PTPRN2: variants seen among roughly 807,000 people sequenced by gnomAD.
PTPRN2 encodes receptor-type tyrosine-protein phosphatase N2.
PTPRN2 carries 74 observed loss-of-function variants against 118.8 expected under a neutral mutation model. The observed-to-expected ratio is 0.62, with a 90% CI of 0.52 to 0.76. The LOEUF (loss-of-function observed/expected upper bound fraction) is 0.76, where lower values mean the gene tolerates loss of function less well. PTPRN2 is among the 30% of genes least tolerant of loss of function. The probability of loss-of-function intolerance (pLI) is 0.00; values close to 1 mark genes in which losing one functional copy is unlikely to be tolerated. For missense variants in PTPRN2, 1,481 were observed against 1,394.4 expected (o/e 1.06, Z -0.99); for synonymous variants, 641 against 608.0 (o/e 1.05, Z -0.80).
At chr7:158,547,905 C>T (rs1826400157) in intron 1 of PTPRN2, among the ~76,000 whole-genome samples, 1 of 152,214 alleles carries the variant, frequency 6.6e-6, no homozygotes, top group South Asian at 2.1e-4. Flanking sequence ...GAAGATTAAT[C>T]AAAAGCCACC....
intron 11 of PTPRN2, among the ~76,000 whole-genome samples, chr7:157,969,644 G>C (rs1319314344): frequency 6.6e-6 from 1 of 152,044 alleles, no homozygotes; most frequent in Non-Finnish European, 1.5e-5. Flanking sequence ...GACAGGGTCT[G>C]AATGGGGGTG....
intron 11 of PTPRN2, among the ~76,000 whole-genome samples, chr7:157,954,920 C>G (rs933292286): frequency 1.3e-5 from 2 of 152,108 alleles, no homozygotes; most frequent in African/African-American, 4.8e-5. Flanking sequence ...AATAATAAAC[C>G]GAAATACTAG....
chr7:158,441,861 T>C (rs1817314442), intron 2 of PTPRN2, among the ~76,000 whole-genome samples: 1 of 147,096 alleles, frequency 6.8e-6, no homozygotes, highest in Admixed American at 6.7e-5. Flanking sequence ...GTGATAGTGA[T>C]GGTCATGGCA....
chr7:157,660,895 T>C (rs959562315), intron 13 of PTPRN2, among the ~76,000 whole-genome samples: 1 of 152,292 alleles, frequency 6.6e-6, no homozygotes, highest in African/African-American at 2.4e-5. Context: ...GCTGGAATTA[T>C]AGGCGTGCAC....
rs970223283 is a variant in PTPRN2, at chr7:157,540,324, C to G, written c.*390G>C. 5.8e-6 allele frequency: 1 copy of G among 172,604 alleles called. No individual in the cohort carries two copies. Among genetic ancestry groups the G allele is most frequent in the Non-Finnish European group, 1.2e-5 (1 of 80,914 alleles). 10.7% of individuals were successfully genotyped at this position (172,604 alleles called of 1,614,324 possible). On this transcript the variant is annotated 3_prime_UTR_variant, in exon 23 of 23. Coordinates refer to ENST00000389418, the MANE Select transcript of PTPRN2 (RefSeq NM_002847.5). ...AGTGCTGCCAGCTTCCCCGGCCACT[C>G]CTGCACAGTGGATCCACCCTCCCGA... is the stretch of plus-strand genomic sequence containing the variant.
intron 11 of PTPRN2, among the ~76,000 whole-genome samples, chr7:157,907,345 G>A (rs1279507646): frequency 6.6e-6 from 1 of 150,754 alleles, no homozygotes; most frequent in Non-Finnish European, 1.5e-5. Flanking sequence ...CCGGGCGGTG[G>A]TGTCTCCCTG....
rs1317188093 is a variant in PTPRN2, at chr7:157,903,810, C to T, written c.1724-5073G>A. ...TACATTCCTGCCACACACCAAGTGC[C>T]GGCGCAAGCGCTTCCCACACTTCAA... On this transcript the variant is annotated intron_variant, in intron 11 of 22. Transcript: ENST00000389418. This position sits in a 1 kb window ranked among gnomAD's most constrained non-coding sequence, Gnocchi z 4.2. Among the ~76,000 whole-genome samples, 3 of 152,146 alleles carry T rather than the reference C, an allele frequency of 2.0e-5. No individual in the cohort carries two copies. Among genetic ancestry groups the T allele is most frequent in the Non-Finnish European group, 2.9e-5 (2 of 68,030 alleles).
chr7:157,861,874 T>C lies in PTPRN2; in HGVS notation c.1788+36799A>G, dbSNP rs1236027334. On this transcript the variant is annotated intron_variant, in intron 12 of 22. Transcript: ENST00000389418. The surrounding 1 kb of genome is among the most constrained non-coding windows in gnomAD (Gnocchi z 5.8). ...CGAGGACTCTGTGTGCCGGAGTCTG[T>C]CCTCCCCATCACAGGGACACTGCTG... Among the ~76,000 whole-genome samples the C allele has an allele frequency of 4.0e-5, 6 of 151,562 alleles. No homozygotes were observed. Among genetic ancestry groups the C allele is most frequent in the African/African-American group, 1.2e-4 (5 of 41,186 alleles).
At chr7:157,924,348 C>T (rs1360888820) in intron 11 of PTPRN2, among the ~76,000 whole-genome samples, 1 of 152,238 alleles carries the variant, frequency 6.6e-6, no homozygotes, top group South Asian at 2.1e-4. Flanking sequence ...GACGCCCCCT[C>T]TGACCTGCAG....
chr7:157,730,909 G>A (rs1357899826), intron 12 of PTPRN2, among the ~76,000 whole-genome samples: 1 of 152,066 alleles, frequency 6.6e-6, no homozygotes, highest in Non-Finnish European at 1.5e-5. Context: ...TTCCTCATGG[G>A]GACTGCACTA....
At chr7:158,230,109 G>A (rs1052662496) in intron 3 of PTPRN2, among the ~76,000 whole-genome samples, 1 of 151,974 alleles carries the variant, frequency 6.6e-6, no homozygotes, top group African/African-American at 2.4e-5. Flanking sequence ...GTGCTGGAAG[G>A]AGAAAAAAAT....
chr7:158,502,909 C>T (rs370168576), intron 1 of PTPRN2, among the ~76,000 whole-genome samples: 2,436 of 90,650 alleles, frequency 0.027, no homozygotes, highest in East Asian at 0.067. Flanking sequence ...GTCCATCAGC[C>T]ACTGTGTCCA....
intron 11 of PTPRN2, among the ~76,000 whole-genome samples, chr7:157,957,632 A>G (rs1423441409): frequency 6.6e-6 from 1 of 152,178 alleles, no homozygotes; most frequent in Non-Finnish European, 1.5e-5. Context: ...TTGCACACCT[A>G]CAAACAGGAT....
intron 12 of PTPRN2, among the ~76,000 whole-genome samples, chr7:157,786,215 A>G (rs1304862062): frequency 1.3e-5 from 2 of 152,172 alleles, no homozygotes; most frequent in African/African-American, 4.8e-5. Flanking sequence ...ATTAACCAGG[A>G]CTAGCACCTA....
Position 157,622,286 on chromosome 7 carries a change from T to C in PTPRN2, c.2197-777A>G, listed in dbSNP as rs1436722636. Reference sequence around the variant, plus strand: ...CTGCTTGTGGATTTGCAAGGTACTGTGTGTCATGTGTAGACACAGGTTCCA... The same window carrying C: ...CTGCTTGTGGATTTGCAAGGTACTGCGTGTCATGTGTAGACACAGGTTCCA... On this transcript the variant is annotated intron_variant, in intron 14 of 22. Transcript: ENST00000389418. The surrounding 1 kb of genome is among the most constrained non-coding windows in gnomAD (Gnocchi z 5.3). Among the ~76,000 whole-genome samples the C allele has an allele frequency of 6.6e-6, 1 of 152,066 alleles. No individual in the cohort carries two copies. Among genetic ancestry groups the C allele is most frequent in the African/African-American group, 2.4e-5 (1 of 41,418 alleles).
At chr7:158,203,225 CAAAAAAAAA>C (rs56016358) in intron 4 of PTPRN2, among the ~76,000 whole-genome samples, 4 of 50,340 alleles carry the variant, frequency 7.9e-5, no homozygotes, top group African/African-American at 2.0e-4. Context: ...AAGCAAGAGC[CAAAAAAAAA>C]AAAAAAAAAA....
At chr7:158,416,607 GACAA>G (rs142446883) in intron 2 of PTPRN2, among the ~76,000 whole-genome samples, 2,299 of 152,242 alleles carry the variant, frequency 0.015, 52 homozygotes, top group African/African-American at 0.052. Context: ...AGAAAGAACA[GACAA>G]ACAAAGATAT....
At chr7:157,661,763 C>T (rs902775191) in intron 13 of PTPRN2, among the ~76,000 whole-genome samples, 4 of 152,202 alleles carry the variant, frequency 2.6e-5, no homozygotes, top group Admixed American at 6.5e-5. Flanking sequence ...AGGTGAGAGA[C>T]GCGTCCTACT....
At chr7:158,508,373 T>C (rs997548984) in intron 1 of PTPRN2, among the ~76,000 whole-genome samples, 15 of 152,298 alleles carry the variant, frequency 9.8e-5, no homozygotes, top group Non-Finnish European at 1.8e-4. Flanking sequence ...ATGTGGCACC[T>C]GTCCAAGCTG....
Sources: allele counts gnomAD v4.1 joint callset (sites outside exome capture counted in the v4.1 genomes callset), GRCh38; gene constraint gnomAD v4.1.1; non-coding constraint Gnocchi (gnomAD v3.1); transcripts MANE v1.5; gene names NCBI Gene and HGNC (gene_info 2026-07-23, HGNC 2026-07-21).